Variants in FSTL5 observed in about 807,000 individuals in gnomAD.
FSTL5 encodes the protein follistatin like 5.
In FSTL5, 62 loss-of-function variants were observed where a neutral mutation model predicts 89.1. The ratio of observed to expected loss-of-function variants is 0.70; its 90% CI spans 0.57 to 0.86. The LOEUF is 0.86. Ranked by LOEUF, FSTL5 falls within the 40% of genes least tolerant of loss-of-function variation. The probability of loss-of-function intolerance (pLI) is 0.00; values close to 1 mark genes in which losing one functional copy is unlikely to be tolerated. For synonymous variants in FSTL5, 383 were observed against 346.2 expected (o/e 1.11, Z -1.18); for missense variants, 1,057 against 1,001.6 (o/e 1.06, Z -0.75).
At chr4:161,805,484 A>G (rs1329655697) in intron 4 of FSTL5, among the ~76,000 whole-genome samples, 1 of 152,072 alleles carries the variant, frequency 6.6e-6, no homozygotes, top group Non-Finnish European at 1.5e-5. Flanking sequence ...GTAGCATGCA[A>G]ATGTTGCAGA....
At chr4:161,880,941 G>A (rs1732607779) in intron 4 of FSTL5, among the ~76,000 whole-genome samples, 1 of 151,946 alleles carries the variant, frequency 6.6e-6, no homozygotes, top group Admixed American at 6.6e-5. Flanking sequence ...TTTTGAGTGA[G>A]GGAACTGCTC....
At chr4:161,996,921 T>G (rs1560960262) in intron 3 of FSTL5, among the ~76,000 whole-genome samples, 1 of 152,254 alleles carries the variant, frequency 6.6e-6, no homozygotes, top group Non-Finnish European at 1.5e-5. Context: ...AAATCTTTTT[T>G]TATAGTTGAA....
intron 4 of FSTL5, among the ~76,000 whole-genome samples, chr4:161,808,334 CA>C (rs1209644318): frequency 6.6e-6 from 1 of 151,828 alleles, no homozygotes; most frequent in Non-Finnish European, 1.5e-5. Flanking sequence ...CATTGCCCTC[CA>C]AAAAAACATG....
intron 4 of FSTL5, among the ~76,000 whole-genome samples, chr4:161,864,009 T>G (rs1249350431): frequency 6.6e-6 from 1 of 152,234 alleles, no homozygotes; most frequent in East Asian, 1.9e-4. Flanking sequence ...TTCTATTTAG[T>G]TGGAACCCCC....
chr4:161,918,231 G>A (rs941632957), intron 4 of FSTL5, among the ~76,000 whole-genome samples: 3 of 152,014 alleles, frequency 2.0e-5, no homozygotes, highest in African/African-American at 7.2e-5. Flanking sequence ...GCAATTTATT[G>A]TTTTGGTTTA....
chr4:161,697,804 C>T (rs750658592), intron 6 of FSTL5, among the ~76,000 whole-genome samples: 1 of 152,148 alleles, frequency 6.6e-6, no homozygotes, highest in Non-Finnish European at 1.5e-5. Context: ...AAAAGTTGAT[C>T]TCTTCTGATG....
intron 4 of FSTL5, among the ~76,000 whole-genome samples, chr4:161,855,125 G>A (rs984883117): frequency 1.3e-5 from 2 of 151,520 alleles, no homozygotes; most frequent in Admixed American, 1.3e-4. Flanking sequence ...TAATATTAAA[G>A]AGAAGAGAGT....
chr4:161,789,317 G>A (rs1241953082), intron 4 of FSTL5, among the ~76,000 whole-genome samples: 1 of 152,006 alleles, frequency 6.6e-6, no homozygotes, highest in African/African-American at 2.4e-5. Flanking sequence ...GGACGACTAG[G>A]TGTTGCCAAT....
intron 6 of FSTL5, among the ~76,000 whole-genome samples, chr4:161,702,680 C>T (rs1317202093): frequency 6.6e-6 from 1 of 152,120 alleles, no homozygotes; most frequent in Non-Finnish European, 1.5e-5. Flanking sequence ...AGTGATTTCT[C>T]GTGTCATAGC....
Position 161,779,810 on chromosome 4 carries a change from T to C in FSTL5, c.410-3736A>G, listed in dbSNP as rs1369574885. On this transcript the variant is annotated intron_variant, in intron 4 of 15. Transcript: ENST00000306100. ...ATATATATATATATATATATATATA[T>C]GTATATATATATATATATATATATA... is the stretch of plus-strand genomic sequence containing the variant. Among the ~76,000 whole-genome samples, 52 of 81,660 alleles carry C rather than the reference T, an allele frequency of 6.4e-4. 5 individuals are homozygous for C. The East Asian group carries it at 0.016, about 25-fold the overall frequency. The allele number at this position is 81,660 out of a possible 152,430, so 53.6% of individuals were successfully genotyped here. A position where few individuals can be genotyped will look rare whatever the true frequency, so the allele number is the denominator to read the frequency against.
At chr4:161,616,709 G>A (rs1341771176) in intron 7 of FSTL5, among the ~76,000 whole-genome samples, 1 of 151,818 alleles carries the variant, frequency 6.6e-6, no homozygotes, top group East Asian at 1.9e-4. Flanking sequence ...GTGGGAGTGG[G>A]GTGCAGTGGG....
intron 9 of FSTL5, 114 bp downstream of exon 9, chr4:161,542,418 A>G: frequency 1.8e-6 from 1 of 546,228 alleles, no homozygotes; most frequent in Non-Finnish European, 3.0e-6. Context: ...CATATTTGTG[A>G]CATTCTGTTG....
At chr4:161,687,210 T>C (rs1426410200) in intron 6 of FSTL5, among the ~76,000 whole-genome samples, 1 of 152,218 alleles carries the variant, frequency 6.6e-6, no homozygotes, top group African/African-American at 2.4e-5. Flanking sequence ...CATTTATTTA[T>C]GTGCCCTAAA....
intron 1 of FSTL5, among the ~76,000 whole-genome samples, chr4:162,112,496 G>A (rs773363035): frequency 1.3e-5 from 2 of 152,044 alleles, no homozygotes; most frequent in Non-Finnish European, 2.9e-5. Context: ...TTCTCCTGCC[G>A]TGGCCTCCCA....
At chr4:161,541,025 C>T (rs1468893515) in intron 9 of FSTL5, among the ~76,000 whole-genome samples, 1 of 152,034 alleles carries the variant, frequency 6.6e-6, no homozygotes, top group Non-Finnish European at 1.5e-5. Context: ...TTTACTCTCT[C>T]TAATTCACAT....
chr4:162,103,352 A>T (rs1731077703), intron 2 of FSTL5, among the ~76,000 whole-genome samples: 5 of 152,336 alleles, frequency 3.3e-5, no homozygotes, highest in Admixed American at 2.0e-4. Context: ...ATAAACAAAT[A>T]CCTGGTTTTC....
At chr4:161,813,433 C>A (rs75552352) in intron 4 of FSTL5, among the ~76,000 whole-genome samples, 22 of 149,804 alleles carry the variant, frequency 1.5e-4, no homozygotes, top group African/African-American at 5.6e-4. Context: ...ATTTGGGGGG[C>A]GGGGAGCATG....
chr4:161,660,832 C>T (rs1029191475), intron 6 of FSTL5, among the ~76,000 whole-genome samples: 2 of 152,038 alleles, frequency 1.3e-5, no homozygotes, highest in African/African-American at 4.8e-5. Context: ...TCATAGTATT[C>T]CATAGTGTAT....
intron 3 of FSTL5, among the ~76,000 whole-genome samples, chr4:162,017,466 A>C (rs1051898363): frequency 6.6e-6 from 1 of 152,212 alleles, no homozygotes; most frequent in African/African-American, 2.4e-5. Flanking sequence ...TGACCATATA[A>C]GGTGGCAGAT....
Sources: allele counts gnomAD v4.1 joint callset (sites outside exome capture counted in the v4.1 genomes callset), GRCh38; gene constraint gnomAD v4.1.1; transcripts MANE v1.5; gene names NCBI Gene and HGNC (gene_info 2026-07-23, HGNC 2026-07-21).